SLC5A6: variants seen among roughly 807,000 people sequenced by gnomAD.
The protein encoded by SLC5A6 is sodium-dependent multivitamin transporter.
Under a neutral mutation model 67.9 loss-of-function variants are expected in SLC5A6, and 31 were observed. That is an observed-to-expected ratio of 0.46 (90% CI 0.34 to 0.62). The LOEUF (loss-of-function observed/expected upper bound fraction) is 0.62, where lower values mean the gene tolerates loss of function less well. Ranked by LOEUF, SLC5A6 falls within the 20% of genes least tolerant of loss-of-function variation. The pLI is 0.01. For synonymous variants in SLC5A6, 343 were observed against 331.0 expected (o/e 1.04, Z -0.39); for missense variants, 673 against 812.8 (o/e 0.83, Z 2.09).
chr2:27,204,335 G>T, intron 9 of SLC5A6, 126 bp downstream of exon 9: 1 of 1,081,094 alleles, frequency 9.2e-7, no homozygotes, highest in South Asian at 1.6e-5. Flanking sequence ...CTCAGAGTGG[G>T]AAAGGATTTT....
upstream of SLC5A6, chr2:27,212,734 G>C: frequency 9.4e-7 from 1 of 1,059,840 alleles, no homozygotes; most frequent in South Asian, 1.9e-5. Context: ...CTACAGACGG[G>C]TCCTCTGCCT....
At chr2:27,208,908 G>C (rs1043263139) in intron 2 of SLC5A6, among the ~76,000 whole-genome samples, 1 of 152,206 alleles carries the variant, frequency 6.6e-6, no homozygotes, top group African/African-American at 2.4e-5. Context: ...TTGGCACTCT[G>C]TGCGGGAGGG....
rs1361401488 is a variant in SLC5A6, at chr2:27,202,756, G to GT, written c.1275+56dup. On this transcript the variant is annotated intron_variant, in intron 12 of 16. Transcript: ENST00000310574. ...ATATAGCTGCCCTTCTCAACTTCCT[G>GT]TTTCAATCAATTCCTTCTCTCCCTT... The GT allele has an allele frequency of 2.0e-6, 3 of 1,478,176 alleles. No individual in the cohort carries two copies. The African/African-American group carries it at 4.2e-5, about 21-fold the overall frequency. The allele number at this position is 1,478,176 out of a possible 1,614,324, so 91.6% of individuals were successfully genotyped here.
Position 27,200,299 on chromosome 2 carries a change from G to T in SLC5A6, c.*137C>A. On this transcript the variant is annotated 3_prime_UTR_variant, in exon 17 of 17. Transcript: ENST00000310574. ...TTCTCCTGCAGGCAAGAACCTCTCA[G>T]AACAAGGTCCTTTGGTATGAGCTAG... 1 of 807,892 alleles carries T rather than the reference G, an allele frequency of 1.2e-6. No homozygotes were observed. The allele number at this position is 807,892 out of a possible 1,614,324, so 50.0% of individuals were successfully genotyped here.
At chr2:27,204,347 C>T in intron 9 of SLC5A6, 114 bp downstream of exon 9, 2 of 1,232,438 alleles carry the variant, frequency 1.6e-6, no homozygotes, top group Non-Finnish European at 1.1e-6. Context: ...AAGGATTTTA[C>T]AACCGTCTCC....
In SLC5A6 at chr2:27,206,476, T is replaced by A. The variant is rs1472159656; in HGVS notation, c.511+7A>T. 1 of 1,613,810 alleles carries A rather than the reference T, an allele frequency of 6.2e-7. No individual in the cohort carries two copies. The highest frequency in any genetic ancestry group is 1.1e-5 in the South Asian group (1 of 91,096). ...GGCTGAAAGCCAGGGGCTGTGTGACTCCTCACCTGCATTGAGAGCCAATGA... is the reference window on the plus strand; with the variant it reads ...GGCTGAAAGCCAGGGGCTGTGTGACACCTCACCTGCATTGAGAGCCAATGA... On this transcript the variant is annotated splice_region_variant and intron_variant, in intron 5 of 16. Coordinates refer to ENST00000310574, the MANE Select transcript of SLC5A6 (RefSeq NM_021095.4).
chr2:27,201,221 C>T (rs1673611072), intron 15 of SLC5A6, 108 bp from the exon 16 acceptor site: 1 of 871,932 alleles, frequency 1.1e-6, no homozygotes, highest in Admixed American at 2.3e-5. Context: ...CCTCCTACAT[C>T]CCAGCAGAAA....
At chr2:27,212,438 G>A, upstream of SLC5A6, 2 of 1,561,164 alleles carry the variant, frequency 1.3e-6, no homozygotes, top group Non-Finnish European at 1.7e-6. Flanking sequence ...CCTCGCTCTG[G>A]GCGTGGAAAG....
At chr2:27,203,400 G>A (rs1276541301) in intron 10 of SLC5A6, 55 bp from the exon 11 acceptor site, 3 of 1,458,274 alleles carry the variant, frequency 2.1e-6, no homozygotes, top group East Asian at 4.5e-5. Flanking sequence ...TCAGCTCTAT[G>A]GGACTCTATG....
chr2:27,209,258 C>A (rs757958355), intron 2 of SLC5A6, among the ~76,000 whole-genome samples: 14 of 152,222 alleles, frequency 9.2e-5, no homozygotes, highest in Non-Finnish European at 1.6e-4. Flanking sequence ...CAAAGGCAAT[C>A]CTCTGGGGTA....
intron 2 of SLC5A6, among the ~76,000 whole-genome samples, chr2:27,210,289 C>G (rs936489758): frequency 2.0e-5 from 3 of 152,232 alleles, no homozygotes; most frequent in Admixed American, 1.3e-4. Flanking sequence ...GAGAACAGAT[C>G]TGTAGTTTTC....
rs1674112078 is a variant in SLC5A6 at position 27,206,908 on chromosome 2, A to G, written c.428T>C (p.Val143Ala). ...AAAGATGAAGGTCACAGTTCCACAC[A>G]CTCGCACAGTTTTATTGAATCGAAG... ...LELRFNKTVRVCGTVTFIFQM... is the reference protein window; with the variant it reads ...LELRFNKTVRACGTVTFIFQM... The change falls in exon 4 of 17, where the codon GTG becomes GCG. Residue 143 changes from valine to alanine, a missense_variant. Coordinates refer to ENST00000310574, the MANE Select transcript of SLC5A6 (RefSeq NM_021095.4). The G allele has an allele frequency of 6.2e-7, 1 of 1,613,904 alleles. No individual in the cohort carries two copies. Among genetic ancestry groups the G allele is most frequent in the Non-Finnish European group, 8.5e-7 (1 of 1,179,846 alleles).
At chr2:27,206,190 T>C (rs1211370413) in intron 5 of SLC5A6, 97 bp from the exon 6 acceptor site, 13 of 1,022,696 alleles carry the variant, frequency 1.3e-5, no homozygotes, top group Non-Finnish European at 1.8e-5. Flanking sequence ...AGATAAAGCA[T>C]TGGTCATTAA....
rs747089414 is a variant in SLC5A6, at chr2:27,201,125, T to C, written c.1649-12A>G. 6.9e-6 allele frequency: 11 copies of C among 1,596,910 alleles called. No homozygotes were observed. The highest frequency in any genetic ancestry group is 9.4e-6 in the Non-Finnish European group (11 of 1,166,310). On this transcript the variant is annotated splice_polypyrimidine_tract_variant and intron_variant, in intron 15 of 16. Transcript: ENST00000310574. ...GCCTCGCATTCTCCCTGAATGGAAA[T>C]GTGCTTCTGAGTCTCTGGGTGGAAC...
chr2:27,209,161 C>CT (rs1674288240), intron 2 of SLC5A6, among the ~76,000 whole-genome samples: 20 of 152,208 alleles, frequency 1.3e-4, no homozygotes, highest in Non-Finnish European at 1.5e-5. Flanking sequence ...AAGCACAGAG[C>CT]CGACTATTGT....
In SLC5A6 at chr2:27,203,341, T is replaced by C; in HGVS notation, c.1099A>G (p.Ile367Val). The C allele has an allele frequency of 1.9e-6, 3 of 1,613,848 alleles. No homozygotes were observed. The highest frequency in any genetic ancestry group is 2.2e-5 in the East Asian group (1 of 44,864). ...GCCAATGAATTAAAAGCAGAGGATATAGTGCTGAAAAAGAGGAAGAGGATG... is the reference window on the plus strand; with the variant it reads ...GCCAATGAATTAAAAGCAGAGGATACAGTGCTGAAAAAGAGGAAGAGGATG... ...ACLFSGSLSTISSAFNSLATV... is the reference protein window; with the variant it reads ...ACLFSGSLSTVSSAFNSLATV... Residue 367 changes from isoleucine (I) to valine (V), a missense_variant, in exon 11 of 17, where the codon ATA (isoleucine) becomes GTA (valine). By Grantham distance (29) the Ile-to-Val change is conservative. Coordinates refer to ENST00000310574, the MANE Select transcript of SLC5A6 (RefSeq NM_021095.4).
chr2:27,203,857 T>C lies in SLC5A6; in HGVS notation c.1016A>G (p.Tyr339Cys), dbSNP rs750662358. 4.3e-6 allele frequency: 7 copies of C among 1,613,556 alleles called. No individual in the cohort carries two copies. Among genetic ancestry groups the C allele is most frequent in the Non-Finnish European group, 5.9e-6 (7 of 1,179,716 alleles). Reference protein sequence around the residue: ...AQAAPDQFVLYFVMDLLKGLP... With the variant: ...AQAAPDQFVLCFVMDLLKGLP... Reference sequence around the variant, plus strand: ...GCCCTTCAGGAGATCCATCACAAAGTACAGGACGAACTGCAAGCAGAGCGG... The same window carrying C: ...GCCCTTCAGGAGATCCATCACAAAGCACAGGACGAACTGCAAGCAGAGCGG... The change falls in exon 10 of 17, where the codon TAC becomes TGC. Residue 339 changes from tyrosine (Y) to cysteine (C), a missense_variant. By Grantham distance (194) the Tyr-to-Cys change is radical. Transcript: ENST00000310574.
intron 2 of SLC5A6, among the ~76,000 whole-genome samples, chr2:27,210,039 G>C (rs142927285): frequency 1.4e-3 from 215 of 152,312 alleles, no homozygotes; most frequent in African/African-American, 5.0e-3. Context: ...GAGGTCTCCT[G>C]TGTGCAAAGA....
In SLC5A6 at chr2:27,202,268, G is replaced by A. The variant is rs185463161; in HGVS notation, c.1276-194C>T. Among the ~76,000 whole-genome samples the A allele has an allele frequency of 2.0e-4, 31 of 152,176 alleles. No homozygotes were observed. The East Asian group carries it at 2.7e-3, about 13-fold the overall frequency. Reference sequence around the variant, plus strand: ...TGTAATTCCAGCAGTTTGGGAGGCCGAGGCGGGAGGATCACCTGAGGTCAG... The same window carrying A: ...TGTAATTCCAGCAGTTTGGGAGGCCAAGGCGGGAGGATCACCTGAGGTCAG... On this transcript the variant is annotated intron_variant, in intron 12 of 16. Transcript: ENST00000310574.
Sources: allele counts gnomAD v4.1 joint callset (sites outside exome capture counted in the v4.1 genomes callset), GRCh38; gene constraint gnomAD v4.1.1; transcripts MANE v1.5; gene names NCBI Gene and HGNC (gene_info 2026-07-23, HGNC 2026-07-21).